The following ABL2 variants were observed in gnomAD, a reference collection of about 807,000 sequenced individuals.
ABL2 encodes the protein ABL proto-oncogene 2, non-receptor tyrosine kinase, also known as tyrosine-protein kinase ABL2.
In ABL2, 49 loss-of-function variants were observed where a neutral mutation model predicts 107.7. That is an observed-to-expected ratio of 0.45 (90% confidence interval 0.36 to 0.58). The LOEUF (loss-of-function observed/expected upper bound fraction) is 0.58, where lower values mean the gene tolerates loss of function less well. ABL2 is among the 20% of genes least tolerant of loss of function. The pLI, the probability that ABL2 is intolerant of heterozygous loss-of-function variation, is 0.00. For missense variants in ABL2, 1,245 were observed against 1,457.0 expected (o/e 0.85, Z 2.37); for synonymous variants, 549 against 548.6 (o/e 1.00, Z -0.01).
At chr1:179,181,285 G>T (rs987905772) in intron 1 of ABL2, among the ~76,000 whole-genome samples, 3 of 152,192 alleles carry the variant, frequency 2.0e-5, no homozygotes, top group Non-Finnish European at 4.4e-5. Context: ...GAAGATTTCT[G>T]AAGAGGAAAA....
chr1:179,202,021 T>C (rs1187958132), intron 1 of ABL2: 5 of 610,714 alleles, frequency 8.2e-6, no homozygotes, highest in Non-Finnish European at 1.1e-5. Flanking sequence ...GGGATGGACA[T>C]CTTGTCATTT....
At chr1:179,115,679 G>GT (rs1654551232) in intron 8 of ABL2, among the ~76,000 whole-genome samples, 1 of 151,466 alleles carries the variant, frequency 6.6e-6, no homozygotes, top group Admixed American at 6.6e-5. Flanking sequence ...AGGCATCCAA[G>GT]GGGGGGGTCT....
chr1:179,121,349 C>T (rs889810629), intron 5 of ABL2, among the ~76,000 whole-genome samples: 5 of 152,188 alleles, frequency 3.3e-5, no homozygotes, highest in Non-Finnish European at 7.4e-5. Context: ...TAACCTCCCA[C>T]TAAGATCTAC....
At chr1:179,165,967 T>C (rs539151391) in intron 1 of ABL2, among the ~76,000 whole-genome samples, 2 of 152,180 alleles carry the variant, frequency 1.3e-5, no homozygotes, top group African/African-American at 4.8e-5. Context: ...AGCTAATTTT[T>C]TGTATTCACA....
Position 179,120,266 on chromosome 1 carries a change from G to C in ABL2, c.969C>G (p.Thr323=). Residue 323 remains threonine (T), a synonymous_variant, in exon 6 of 12, where the codon ACC becomes ACG. Coordinates refer to ENST00000502732, the MANE Select transcript of ABL2 (RefSeq NM_007314.4). The part of the protein sequence containing the change: ...TVAVKTLKED[T]MEVEEFLKEA... ...CTTTCAGGAATTCTTCTACCTCCAT[G>C]GTATCTTCCTAGAAAAAGGGAAAGG... is the stretch of plus-strand genomic sequence containing the variant. The C allele has an allele frequency of 6.2e-7, 1 of 1,604,088 alleles. No individual in the cohort carries two copies. Among genetic ancestry groups the C allele is most frequent in the South Asian group, 1.1e-5 (1 of 89,692 alleles).
chr1:179,161,073 T>G (rs1344447303), intron 1 of ABL2, among the ~76,000 whole-genome samples: 1 of 152,146 alleles, frequency 6.6e-6, no homozygotes, highest in Non-Finnish European at 1.5e-5. Flanking sequence ...CCAATGCTAG[T>G]AGTCTAGGGA....
chr1:179,158,452 G>A (rs192936587), intron 1 of ABL2, among the ~76,000 whole-genome samples: 51 of 152,298 alleles, frequency 3.3e-4, no homozygotes, highest in African/African-American at 1.1e-3. Context: ...TCTGGAATAG[G>A]ATTTGGAATT....
chr1:179,114,868 A>C lies in ABL2; in HGVS notation c.1561+10T>G, dbSNP rs766889278. The stretch of plus-strand genomic sequence containing the variant: ...ATGCCTTCAAAATTAAAACATGCAA[A>C]AATACTCACATGCTCTCATAAGTTC... On this transcript the variant is annotated intron_variant, in intron 9 of 11. Transcript: ENST00000502732. 3 of 1,578,348 alleles carry C rather than the reference A, an allele frequency of 1.9e-6. No individual in the cohort carries two copies. Among genetic ancestry groups the C allele is most frequent in the Non-Finnish European group, 2.6e-6 (3 of 1,166,096 alleles).
rs1290767441 is a variant in ABL2 at position 179,223,325 on chromosome 1, A to T, written c.157+5916T>A. ...CAGCTACCCAGAAGGCTGAGTCAGG[A>T]ATGGCTTCAGCCAGGAGTTTGAGGC... On this transcript the variant is annotated intron_variant, in intron 1 of 11. Coordinates refer to ENST00000502732, the MANE Select transcript of ABL2 (RefSeq NM_007314.4). 2.0e-5 allele frequency among the ~76,000 whole-genome samples: 3 copies of T among 151,608 alleles called. No homozygotes were observed. The South Asian group carries it at 6.3e-4, about 32-fold the overall frequency.
intron 8 of ABL2, among the ~76,000 whole-genome samples, chr1:179,115,814 A>G (rs1262847530): frequency 1.3e-5 from 2 of 152,172 alleles, no homozygotes; most frequent in African/African-American, 2.4e-5. Flanking sequence ...TAAAATTCAG[A>G]GCAGAAAAAA....
chr1:179,223,952 ACT>A (rs1002872230), intron 1 of ABL2, among the ~76,000 whole-genome samples: 27 of 133,832 alleles, frequency 2.0e-4, no homozygotes, highest in African/African-American at 7.1e-4. Flanking sequence ...ACATGGCAAA[ACT>A]CTGTCTCTAC....
rs1416184713 is a variant in ABL2, at chr1:179,105,998, T to C, written c.*1720A>G. The C allele has an allele frequency of 9.1e-6, 2 of 220,752 alleles. No homozygotes were observed. Among genetic ancestry groups the C allele is most frequent in the Non-Finnish European group, 1.8e-5 (2 of 110,236 alleles). The allele number at this position is 220,752 out of a possible 1,614,324, so 13.7% of individuals were successfully genotyped here. ...AACATGTACTGTTACCTTAATTAAA[T>C]AGATTAAGAGATGAGGCTGTGGTTT... On this transcript the variant is annotated 3_prime_UTR_variant, in exon 12 of 12. Coordinates refer to ENST00000502732, the MANE Select transcript of ABL2 (RefSeq NM_007314.4).
intron 1 of ABL2, among the ~76,000 whole-genome samples, chr1:179,149,709 G>A (rs974469244): frequency 7.2e-5 from 11 of 152,110 alleles, no homozygotes; most frequent in African/African-American, 2.7e-4. Flanking sequence ...GAACAACAAA[G>A]CCTGAATAAG....
At chr1:179,117,645 A>G in intron 7 of ABL2, 129 bp from the exon 8 acceptor site, 1 of 819,944 alleles carries the variant, frequency 1.2e-6, no homozygotes, top group Non-Finnish European at 1.9e-6. Context: ...GTATCTTCTG[A>G]TAATCACTAA....
Position 179,102,879 on chromosome 1 carries a change from T to G in ABL2, c.*4839A>C, listed in dbSNP as rs1653219202. 8.8e-6 allele frequency: 2 copies of G among 226,408 alleles called. No individual in the cohort carries two copies. The highest frequency in any genetic ancestry group is 3.7e-4 in the South Asian group (2 of 5,448). 14.0% of individuals were successfully genotyped at this position (226,408 alleles called of 1,614,324 possible). ...AGATGACAAATGTCAATGTCATTTA[T>G]AACTGGTAGGAAATCCTAGAAAAGT... On this transcript the variant is annotated 3_prime_UTR_variant, in exon 12 of 12. Transcript: ENST00000502732.
intron 1 of ABL2, among the ~76,000 whole-genome samples, chr1:179,190,566 T>C (rs537696331): frequency 1.3e-5 from 2 of 152,112 alleles, no homozygotes; most frequent in East Asian, 1.9e-4. Flanking sequence ...TGACGTTAAC[T>C]TTCAGCCTCT....
rs1228831627 is a variant in ABL2 at position 179,117,395 on chromosome 1, T to C, written c.1345A>G (p.Ile449Val). 3.1e-6 allele frequency: 5 copies of C among 1,614,032 alleles called. No homozygotes were observed. The highest frequency in any genetic ancestry group is 1.7e-5 in the Admixed American group (1 of 60,004). ...YTAHAGAKFP[I>V]KWTAPESLAY... ...AGACTCTCTGGTGCTGTCCACTTAA[T>C]AGGAAATTTGGCTCCAGCATGAGCA... The change falls in exon 8 of 12, where the codon ATT (isoleucine) becomes GTT (valine). Residue 449 changes from isoleucine (I) to valine (V), a missense_variant. By Grantham distance (29) the Ile-to-Val change is conservative. Coordinates refer to ENST00000502732, the MANE Select transcript of ABL2 (RefSeq NM_007314.4).
chr1:179,171,519 G>T (rs961469176), intron 1 of ABL2, among the ~76,000 whole-genome samples: 1 of 152,154 alleles, frequency 6.6e-6, no homozygotes, highest in Non-Finnish European at 1.5e-5. Flanking sequence ...TAAAGACACA[G>T]GGTCTCACTG....
chr1:179,169,061 C>T (rs575291816), intron 1 of ABL2, among the ~76,000 whole-genome samples: 52 of 152,070 alleles, frequency 3.4e-4, no homozygotes, highest in African/African-American at 1.2e-3. Context: ...GTTAAAAGAC[C>T]CCAGAATTAG....
Sources: allele counts gnomAD v4.1 joint callset (sites outside exome capture counted in the v4.1 genomes callset), GRCh38; gene constraint gnomAD v4.1.1; transcripts MANE v1.5; gene names NCBI Gene and HGNC (gene_info 2026-07-23, HGNC 2026-07-21).